Variants in ODAD2 observed in about 807,000 individuals in gnomAD.
The protein encoded by ODAD2 is outer dynein arm-docking complex subunit 2.
ODAD2 carries 89 observed loss-of-function variants against 106.8 expected under a neutral mutation model. The observed-to-expected ratio is 0.83, with a 90% CI of 0.70 to 0.99. The LOEUF is 0.99. ODAD2 is among the 50% of genes least tolerant of loss of function. ODAD2 has a pLI of 0.00. For synonymous variants in ODAD2, 404 were observed against 436.2 expected (o/e 0.93, Z 0.92); for missense variants, 1,168 against 1,238.5 (o/e 0.94, Z 0.85).
At chr10:27,942,567 T>C (rs1846535167) in intron 12 of ODAD2, among the ~76,000 whole-genome samples, 1 of 152,222 alleles carries the variant, frequency 6.6e-6, no homozygotes, top group Non-Finnish European at 1.5e-5. Context: ...AAACATATTT[T>C]ATGTTACATT....
At chr10:27,995,943 CT>C (rs1325323100) in intron 1 of ODAD2, among the ~76,000 whole-genome samples, 1 of 152,106 alleles carries the variant, frequency 6.6e-6, no homozygotes, top group East Asian at 1.9e-4. Context: ...CTCTTTCAGC[CT>C]TTTTATCTAA....
intron 19 of ODAD2, among the ~76,000 whole-genome samples, chr10:27,819,572 C>CT (rs1254395373): frequency 1.4e-5 from 1 of 70,546 alleles, no homozygotes; most frequent in Non-Finnish European, 2.7e-5. Context: ...GACCCTGTCT[C>CT]TTAAAAAAAA....
At chr10:27,974,287 T>C (rs955890321) in intron 7 of ODAD2, among the ~76,000 whole-genome samples, 4 of 152,178 alleles carry the variant, frequency 2.6e-5, no homozygotes, top group African/African-American at 9.7e-5. Context: ...TAGATCCCAC[T>C]TGTCAATTTT....
chr10:27,895,816 C>G (rs572342266), intron 17 of ODAD2, among the ~76,000 whole-genome samples: 1 of 152,314 alleles, frequency 6.6e-6, no homozygotes, highest in South Asian at 2.1e-4. Context: ...GCTTTCTTTC[C>G]TCTTGCCTTT....
chr10:27,870,093 A>G (rs1234684027), intron 17 of ODAD2, among the ~76,000 whole-genome samples: 1 of 152,160 alleles, frequency 6.6e-6, no homozygotes, highest in African/African-American at 2.4e-5. Flanking sequence ...TGAATGTCAG[A>G]TCTCCAAAAA....
rs531474706 is a variant in ODAD2, at chr10:27,872,756, G to A, written c.2611-10134C>T. On this transcript the variant is annotated intron_variant, in intron 17 of 19. Transcript: ENST00000305242. ...TTTGATGTGCTGCTGGATTCAGTTTGCCAGTATTTTATTGAAGATTTTTGC... is the reference window on the plus strand; with the variant it reads ...TTTGATGTGCTGCTGGATTCAGTTTACCAGTATTTTATTGAAGATTTTTGC... Among the ~76,000 whole-genome samples, 4 of 152,310 alleles carry A rather than the reference G, an allele frequency of 2.6e-5. No homozygotes were observed. The South Asian group carries it at 8.3e-4, about 32-fold the overall frequency.
intron 19 of ODAD2, among the ~76,000 whole-genome samples, chr10:27,840,652 G>A (rs1343685563): frequency 1.3e-5 from 2 of 152,166 alleles, no homozygotes; most frequent in Admixed American, 6.5e-5. Flanking sequence ...AGGAGAAGCA[G>A]TAAAGAAAAC....
intron 17 of ODAD2, among the ~76,000 whole-genome samples, chr10:27,868,483 A>G: frequency 6.6e-6 from 1 of 152,222 alleles, no homozygotes; most frequent in East Asian, 1.9e-4. Context: ...TATATACACC[A>G]TGGAGTATTA....
intron 19 of ODAD2, among the ~76,000 whole-genome samples, chr10:27,855,939 G>A (rs1839622502): frequency 6.6e-6 from 1 of 152,138 alleles, no homozygotes; most frequent in African/African-American, 2.4e-5. Flanking sequence ...TGACACCATG[G>A]GGAAAGAAGC....
At chr10:27,932,705 G>A (rs962949503) in intron 16 of ODAD2, among the ~76,000 whole-genome samples, 2 of 151,992 alleles carry the variant, frequency 1.3e-5, no homozygotes. Context: ...TATCCTCCCC[G>A]AGTCTACATT....
intron 17 of ODAD2, among the ~76,000 whole-genome samples, chr10:27,871,189 T>C (rs1840853114): frequency 6.6e-6 from 1 of 152,146 alleles, no homozygotes; most frequent in African/African-American, 2.4e-5. Context: ...TTTGTTCACT[T>C]TTTGATGGGG....
intron 17 of ODAD2, among the ~76,000 whole-genome samples, chr10:27,905,976 A>C (rs1405965445): frequency 6.6e-6 from 1 of 152,216 alleles, no homozygotes; most frequent in East Asian, 1.9e-4. Flanking sequence ...TCATGACTAA[A>C]ACACCAAAAG....
intron 7 of ODAD2, among the ~76,000 whole-genome samples, chr10:27,975,477 G>T (rs1292569135): frequency 1.3e-5 from 2 of 152,044 alleles, no homozygotes; most frequent in Admixed American, 6.6e-5. Context: ...ATATTAAAAG[G>T]TCAATAAGAG....
chr10:27,818,065 G>T (rs1311748939), intron 19 of ODAD2, among the ~76,000 whole-genome samples: 1 of 151,476 alleles, frequency 6.6e-6, no homozygotes, highest in Non-Finnish European at 1.5e-5. Context: ...TAAGCCTGGA[G>T]ATTTCACTCT....
intron 17 of ODAD2, among the ~76,000 whole-genome samples, chr10:27,865,027 G>A (rs1241721159): frequency 6.6e-6 from 1 of 152,112 alleles, no homozygotes; most frequent in Non-Finnish European, 1.5e-5. Context: ...CCGTAAATCT[G>A]ATGATCCCAT....
In ODAD2 at chr10:27,987,533, C is replaced by G. The variant is rs773173704; in HGVS notation, c.235G>C (p.Val79Leu). ...ESGYVVSETT[V>L]KSEEVDKNGQ... ...TTTTTATCAACTTCTTCTGATTTGACTGTTGTTTCACTAAAAAATAAAAAT... is the reference window on the plus strand; with the variant it reads ...TTTTTATCAACTTCTTCTGATTTGAGTGTTGTTTCACTAAAAAATAAAAAT... Residue 79 changes from valine (V) to leucine (L), a missense_variant, in exon 3 of 20, where the codon GTC becomes CTC. Transcript: ENST00000305242. 6.2e-7 allele frequency: 1 copy of G among 1,605,876 alleles called. No individual in the cohort carries two copies. The highest frequency in any genetic ancestry group is 1.3e-5 in the African/African-American group (1 of 74,336).
chr10:27,948,398 A>G (rs548809726), intron 10 of ODAD2, among the ~76,000 whole-genome samples: 1 of 152,248 alleles, frequency 6.6e-6, no homozygotes, highest in Non-Finnish European at 1.5e-5. Context: ...TTCAACATAC[A>G]GAGCCACAAA....
intron 10 of ODAD2, among the ~76,000 whole-genome samples, chr10:27,948,796 TTTTTTTTG>T (rs1272971342): frequency 6.8e-6 from 1 of 146,540 alleles, no homozygotes; most frequent in African/African-American, 2.6e-5. Context: ...TTTTTTTTTT[TTTTTTTTG>T]CAATTGACAT....
chr10:27,948,672 A>G (rs1847107534), intron 10 of ODAD2, among the ~76,000 whole-genome samples: 1 of 152,096 alleles, frequency 6.6e-6, no homozygotes, highest in Non-Finnish European at 1.5e-5. Context: ...GGCTTTGAAA[A>G]ATGCTTCCAA....
Sources: gnomAD v4.1 joint callset for allele counts (sites outside exome capture counted in the v4.1 genomes callset) on GRCh38, gnomAD v4.1.1 for gene constraint, MANE v1.5 for transcripts, NCBI Gene and HGNC (gene_info 2026-07-23, HGNC 2026-07-21) for gene names.